The following DISC1 variants were observed in gnomAD, a reference collection of about 807,000 sequenced individuals.
DISC1 encodes the protein DISC1 scaffold protein.
A neutral mutation model predicts 84.5 loss-of-function variants in DISC1; 57 were observed. The ratio of observed to expected loss-of-function variants is 0.67; its 90% CI spans 0.55 to 0.84. The LOEUF (loss-of-function observed/expected upper bound fraction) is 0.84, where lower values mean the gene tolerates loss of function less well. DISC1 is among the 40% of genes least tolerant of loss of function. The pLI is 0.00. For missense variants in DISC1, 1,000 were observed against 1,057.8 expected (o/e 0.95, Z 0.76); for synonymous variants, 411 against 415.2 (o/e 0.99, Z 0.12).
At chr1:231,700,564 G>A (rs904987603) in intron 2 of DISC1, among the ~76,000 whole-genome samples, 5 of 152,296 alleles carry the variant, frequency 3.3e-5, no homozygotes, top group African/African-American at 1.2e-4. Context: ...AAGTTTTGGG[G>A]AAGTCAAAAG....
intron 9 of DISC1, among the ~76,000 whole-genome samples, chr1:231,927,040 G>A (rs1014825858): frequency 6.6e-6 from 1 of 152,222 alleles, no homozygotes; most frequent in Non-Finnish European, 1.5e-5. Flanking sequence ...AGTTTTGGCT[G>A]CAGTGCTTTT....
intron 9 of DISC1, among the ~76,000 whole-genome samples, chr1:231,895,179 C>T (rs1479400275): frequency 6.6e-6 from 1 of 150,772 alleles, no homozygotes; most frequent in African/African-American, 2.4e-5. Context: ...ATTGTTATCC[C>T]ACTTTGTTTT....
At position 231,675,113 on chromosome 1, in the gene DISC1, T is replaced by C. The variant is rs1176753442; in HGVS notation, c.68-18713T>C. Among the ~76,000 whole-genome samples, 3 of 152,238 alleles carry C rather than the reference T, an allele frequency of 2.0e-5. No homozygotes were observed. The highest frequency in any genetic ancestry group is 7.2e-5 in the African/African-American group (3 of 41,468). ...AAAGAAAATATCTCTTTAAAAGATG[T>C]TATTGATAATGAAAAGCTGAGACCC... On this transcript the variant is annotated intron_variant, in intron 1 of 12. Transcript: ENST00000439617. The surrounding 1 kb of genome is among the most constrained non-coding windows in gnomAD (Gnocchi z 4.1).
intron 8 of DISC1, 59 bp downstream of exon 8, chr1:231,800,269 C>G: frequency 7.5e-7 from 1 of 1,340,026 alleles, no homozygotes; most frequent in African/African-American, 1.4e-5. Flanking sequence ...CAGCTACCAG[C>G]ACATCGTGTT....
chr1:231,690,438 C>T (rs1457199290), intron 1 of DISC1, among the ~76,000 whole-genome samples: 1 of 152,170 alleles, frequency 6.6e-6, no homozygotes, highest in Admixed American at 6.5e-5. Flanking sequence ...GGTCTCAAAA[C>T]CTGCCTGCAC....
rs1372199816 is a variant in DISC1 at position 231,626,922 on chromosome 1, A to G, written c.55A>G (p.Ser19Gly). ...AGCCGCCGCCGGCGGCGGCGGCGTG[A>G]GCCACCGCGCAGGTAGGGGAGCTGC... Reference protein sequence around the residue: ...APAAAGGGGVSHRAGSRDCLP... With the variant: ...APAAAGGGGVGHRAGSRDCLP... Residue 19 changes from serine to glycine, a missense_variant, in exon 1 of 13, where the codon AGC (serine) becomes GGC (glycine). Coordinates refer to ENST00000439617, the MANE Select transcript of DISC1 (RefSeq NM_018662.3). 6.6e-7 allele frequency: 1 copy of G among 1,504,874 alleles called. No homozygotes were observed. The highest frequency in any genetic ancestry group is 8.8e-7 in the Non-Finnish European group (1 of 1,134,514). 93.2% of individuals were successfully genotyped at this position (1,504,874 alleles called of 1,614,324 possible).
chr1:231,858,559 T>TA (rs2084421543), intron 9 of DISC1, among the ~76,000 whole-genome samples: 1 of 152,222 alleles, frequency 6.6e-6, no homozygotes, highest in Non-Finnish European at 1.5e-5. Flanking sequence ...TCTGTCTCCC[T>TA]ACTCTTTCTC....
At chr1:231,952,090 C>CAAAAAAAAAAAAAA (rs11392611) in intron 9 of DISC1, among the ~76,000 whole-genome samples, 62 of 54,006 alleles carry the variant, frequency 1.1e-3, no homozygotes, top group Non-Finnish European at 1.3e-3. Flanking sequence ...CTCAATGTCT[C>CAAAAAAAAAAAAAA]AAAAAAAAAA....
At chr1:231,851,314 CCG>C (rs2083881063) in intron 9 of DISC1, among the ~76,000 whole-genome samples, 1 of 152,136 alleles carries the variant, frequency 6.6e-6, no homozygotes, top group South Asian at 2.1e-4. Flanking sequence ...GGGTAATTCG[CCG>C]CCTTTCTCTA....
In DISC1 at chr1:231,709,639, G is replaced by A. The variant is rs148123667; in HGVS notation, c.1117+7615G>A. 2.4e-3 allele frequency among the ~76,000 whole-genome samples: 359 copies of A among 152,178 alleles called. 2 individuals are homozygous for A. The highest frequency in any genetic ancestry group is 8.2e-3 in the African/African-American group (340 of 41,498). On this transcript the variant is annotated intron_variant, in intron 3 of 12. Transcript: ENST00000439617. Reference sequence around the variant, plus strand: ...TAAACTCTGACAGCTTCAAGGTTAGGTGTGATGCTGAATACAAAACACCAA... The same window carrying A: ...TAAACTCTGACAGCTTCAAGGTTAGATGTGATGCTGAATACAAAACACCAA...
rs1670640270 is a variant in DISC1, at chr1:232,038,181, G to A, written c.*1350G>A. The A allele has an allele frequency of 6.6e-6, 1 of 152,190 alleles. No homozygotes were observed. Among genetic ancestry groups the A allele is most frequent in the Middle Eastern group, 3.4e-3 (1 of 296 alleles). The allele number at this position is 152,190 out of a possible 1,614,324, so 9.4% of individuals were successfully genotyped here. ...GGACAGCATAGTACTCAGTAACACA[G>A]GGCAGCTAGTACTCAGTACTATAAG... On this transcript the variant is annotated 3_prime_UTR_variant, in exon 13 of 13. Transcript: ENST00000439617.
intron 9 of DISC1, among the ~76,000 whole-genome samples, chr1:231,907,358 A>T (rs972945755): frequency 7.0e-5 from 10 of 143,126 alleles, no homozygotes; most frequent in Admixed American, 2.8e-4. Context: ...GATGTTCCCC[A>T]TCCTGTGTCC....
chr1:231,921,716 C>T (rs2090023233), intron 9 of DISC1, among the ~76,000 whole-genome samples: 1 of 150,850 alleles, frequency 6.6e-6, no homozygotes, highest in Admixed American at 6.6e-5. Flanking sequence ...TAAGTATTTA[C>T]AGTATAAAAT....
intron 4 of DISC1, chr1:231,750,614 C>T (rs981802242): frequency 8.1e-6 from 8 of 982,160 alleles, no homozygotes; most frequent in Non-Finnish European, 9.7e-6. Context: ...GTTTGAATAA[C>T]TTAGAAAGAT....
Position 231,793,039 on chromosome 1 carries a change from C to T in DISC1, c.1635-2203C>T, listed in dbSNP as rs116165946. 3.4e-3 allele frequency among the ~76,000 whole-genome samples: 517 copies of T among 152,282 alleles called. 2 individuals are homozygous for T. Among genetic ancestry groups the T allele is most frequent in the African/African-American group, 0.011 (463 of 41,556 alleles). ...CTAAAGTGGTAATGACTGATTAGTA[C>T]GGACCTGCACCAGTTCCCAGGTATT... On this transcript the variant is annotated intron_variant, in intron 6 of 12. Transcript: ENST00000439617.
intron 1 of DISC1, among the ~76,000 whole-genome samples, chr1:231,634,486 G>A (rs548768642): frequency 4.7e-4 from 71 of 152,268 alleles, no homozygotes; most frequent in African/African-American, 1.6e-3. Flanking sequence ...TTTCCCTAGC[G>A]TCTTGTGTTA....
intron 9 of DISC1, among the ~76,000 whole-genome samples, chr1:231,948,456 G>A (rs554657372): frequency 6.6e-6 from 1 of 152,098 alleles, no homozygotes; most frequent in Non-Finnish European, 1.5e-5. Context: ...GGCCTGTCGG[G>A]TGGTGGGGGG....
intron 6 of DISC1, among the ~76,000 whole-genome samples, chr1:231,789,882 T>G (rs1348761574): frequency 6.6e-6 from 1 of 152,188 alleles, no homozygotes. Flanking sequence ...AGGGAGCCCT[T>G]TTTCATTTCT....
Position 232,008,747 on chromosome 1 carries a change from G to C in DISC1, c.2043-38G>C, listed in dbSNP as rs758945453. The C allele has an allele frequency of 2.0e-6, 3 of 1,522,508 alleles. No individual in the cohort carries two copies. In the African/African-American group the frequency reaches 4.2e-5, roughly 21 times the overall value. 94.3% of individuals were successfully genotyped at this position (1,522,508 alleles called of 1,614,324 possible). ...CGACTTGGTATGATGAAACATCACT[G>C]AGTTCATTTTTATGCCTTTGTTTCC... On this transcript the variant is annotated intron_variant, in intron 10 of 12. Transcript: ENST00000439617.
Sources: gnomAD v4.1 joint callset for allele counts (sites outside exome capture counted in the v4.1 genomes callset) on GRCh38, gnomAD v4.1.1 for gene constraint, Gnocchi (gnomAD v3.1) non-coding constraint, MANE v1.5 for transcripts, NCBI Gene and HGNC (gene_info 2026-07-23, HGNC 2026-07-21) for gene names.